The following MAD1L1 variants were observed in gnomAD, a reference collection of about 807,000 sequenced individuals.
MAD1L1 encodes the protein mitotic spindle assembly checkpoint protein MAD1.
Under a neutral mutation model 96.9 loss-of-function variants are expected in MAD1L1, and 95 were observed. That is an observed-to-expected ratio of 0.98 (90% CI 0.83 to 1.16). The LOEUF (loss-of-function observed/expected upper bound fraction) is 1.16, where lower values mean the gene tolerates loss of function less well. Ranked by LOEUF, MAD1L1 falls within the 50% of genes most tolerant of loss-of-function variation. The pLI is 0.00. For synonymous variants in MAD1L1, 473 were observed against 396.6 expected (o/e 1.19, Z -2.29); for missense variants, 1,007 against 954.4 (o/e 1.06, Z -0.73).
chr7:1,906,692 G>T (rs907171958), intron 17 of MAD1L1, among the ~76,000 whole-genome samples: 2 of 152,346 alleles, frequency 1.3e-5, no homozygotes, highest in Non-Finnish European at 2.9e-5. Flanking sequence ...AGGCCTGTGC[G>T]CACTGTCACA....
rs200930173 is a variant in MAD1L1, at chr7:2,222,723, G to T, written c.323C>A (p.Thr108Lys). The T allele has an allele frequency of 3.1e-5, 50 of 1,607,560 alleles. No homozygotes were observed. In the African/African-American group the frequency reaches 6.5e-4, roughly 21 times the overall value. The change falls in exon 5 of 19, where the codon ACG (threonine) becomes AAG (lysine). Residue 108 changes from threonine to lysine, a missense_variant. Physicochemically the swap from Thr to Lys is moderately conservative, Grantham distance 78. Transcript: ENST00000265854. ...REVDRNQELL[T>K]RIRQLQEREA... ...CCGCTCCTGAAGCTGCCGGATGCGC[G>T]TCAGGAGCTCCTGGTTGCGGTCGAC...
intron 11 of MAD1L1, among the ~76,000 whole-genome samples, chr7:2,131,982 C>T (rs1316674802): frequency 2.0e-5 from 3 of 152,160 alleles, no homozygotes; most frequent in Non-Finnish European, 2.9e-5. Flanking sequence ...AGATGTGCCT[C>T]GTAGACCCGC....
intron 11 of MAD1L1, among the ~76,000 whole-genome samples, chr7:2,133,636 T>C (rs1412831841): frequency 6.6e-6 from 1 of 152,254 alleles, no homozygotes; most frequent in Non-Finnish European, 1.5e-5. Flanking sequence ...GAGAGTCAGC[T>C]AGATATTTCC....
intron 11 of MAD1L1, among the ~76,000 whole-genome samples, chr7:2,082,615 C>G (rs2128539832): frequency 6.6e-6 from 1 of 152,330 alleles, no homozygotes; most frequent in African/African-American, 2.4e-5. Context: ...AGATTGAGCT[C>G]TGAGGATCAA....
intron 3 of MAD1L1, among the ~76,000 whole-genome samples, chr7:2,227,189 G>C (rs551281041): frequency 1.3e-5 from 2 of 150,888 alleles, no homozygotes; most frequent in Admixed American, 6.6e-5. Flanking sequence ...TCAGCTACTC[G>C]GGAGGCTGAG....
chr7:1,854,508 T>TG (rs2128643038), intron 18 of MAD1L1: 1 of 387,464 alleles, frequency 2.6e-6, no homozygotes, highest in African/African-American at 2.1e-5. Context: ...TCTCACTGTC[T>TG]GTCACACGGG....
In MAD1L1 at chr7:2,149,294, T is replaced by C. The variant is rs531023386; in HGVS notation, c.987-56A>G. On this transcript the variant is annotated intron_variant, in intron 10 of 18. Coordinates refer to ENST00000265854, the MANE Select transcript of MAD1L1 (RefSeq NM_001013836.2). ...AGCTGTCCCCGAGAAGTAAACCTGATTCTGCACACAAAACAGAAGGCCAAA... is the reference window on the plus strand; with the variant it reads ...AGCTGTCCCCGAGAAGTAAACCTGACTCTGCACACAAAACAGAAGGCCAAA... 1.4e-5 allele frequency: 20 copies of C among 1,418,580 alleles called. No homozygotes were observed. The South Asian group carries it at 2.2e-4, about 16-fold the overall frequency. 87.9% of individuals were successfully genotyped at this position (1,418,580 alleles called of 1,614,324 possible).
chr7:2,165,556 G>A (rs1255226998), intron 10 of MAD1L1, among the ~76,000 whole-genome samples: 2 of 100,374 alleles, frequency 2.0e-5, no homozygotes, highest in Admixed American at 1.0e-4. Flanking sequence ...AGAAGCAGCC[G>A]TGCACAGCAG....
intron 12 of MAD1L1, among the ~76,000 whole-genome samples, chr7:2,054,690 G>A (rs1246387937): frequency 6.6e-6 from 1 of 152,220 alleles, no homozygotes; most frequent in African/African-American, 2.4e-5. Context: ...GAGGGAAGAG[G>A]CCCTCTCACT....
intron 12 of MAD1L1, among the ~76,000 whole-genome samples, chr7:2,040,421 C>T (rs1279591342): frequency 1.3e-5 from 2 of 152,150 alleles, no homozygotes; most frequent in Non-Finnish European, 2.9e-5. Flanking sequence ...TCATCGGTGT[C>T]GGGAACTTTG....
At chr7:2,129,466 G>A (rs1009239329) in intron 11 of MAD1L1, among the ~76,000 whole-genome samples, 1 of 152,336 alleles carries the variant, frequency 6.6e-6, no homozygotes, top group Non-Finnish European at 1.5e-5. Context: ...CGCCCCTCCT[G>A]CCGTGGGTCT....
At chr7:1,825,932 G>A (rs1351493307) in intron 18 of MAD1L1, among the ~76,000 whole-genome samples, 1 of 151,724 alleles carries the variant, frequency 6.6e-6, no homozygotes, top group Admixed American at 6.6e-5. Context: ...CCAGCCCCAG[G>A]CGGGGTTGGA....
chr7:1,898,138 A>T, intron 18 of MAD1L1, 62 bp downstream of exon 18: 1 of 1,494,836 alleles, frequency 6.7e-7, no homozygotes. Context: ...CTACGGTCGG[A>T]TCTCCCCACA....
At chr7:2,041,588 T>C (rs1204823675) in intron 12 of MAD1L1, among the ~76,000 whole-genome samples, 1 of 152,166 alleles carries the variant, frequency 6.6e-6, no homozygotes, top group East Asian at 1.9e-4. Context: ...TCCCCTGCTG[T>C]CAGCAGCGAC....
chr7:2,060,434 CTGAGA>C (rs1037177553), intron 12 of MAD1L1, among the ~76,000 whole-genome samples: 3 of 151,650 alleles, frequency 2.0e-5, no homozygotes, highest in African/African-American at 7.3e-5. Context: ...TACGCCGATG[CTGAGA>C]TAACGCCGAT....
In MAD1L1 at chr7:2,166,687, C is replaced by T. The variant is rs185853020; in HGVS notation, c.987-17449G>A. Among the ~76,000 whole-genome samples the T allele has an allele frequency of 8.8e-4, 134 of 152,356 alleles. 1 individual carries two copies. The highest frequency in any genetic ancestry group is 3.0e-3 in the African/African-American group (123 of 41,588). Reference sequence around the variant, plus strand: ...CAACCACACACAAGCAGGCCCGCTTCCGGGAGGCGTGGCCCGGCCGGCCTG... The same window carrying T: ...CAACCACACACAAGCAGGCCCGCTTTCGGGAGGCGTGGCCCGGCCGGCCTG... On this transcript the variant is annotated intron_variant, in intron 10 of 18. Coordinates refer to ENST00000265854, the MANE Select transcript of MAD1L1 (RefSeq NM_001013836.2).
intron 11 of MAD1L1, among the ~76,000 whole-genome samples, chr7:2,089,571 C>T (rs1000230409): frequency 1.3e-5 from 2 of 152,084 alleles, no homozygotes; most frequent in East Asian, 1.9e-4. Flanking sequence ...GGAAAGCAAC[C>T]AAGCCCCAAC....
chr7:1,860,389 G>C (rs550348951), intron 18 of MAD1L1, among the ~76,000 whole-genome samples: 1 of 148,360 alleles, frequency 6.7e-6, no homozygotes, highest in African/African-American at 2.5e-5. Context: ...GACATCCTGC[G>C]GGGCGGCCTC....
At chr7:2,023,910 C>T (rs1782890425) in intron 12 of MAD1L1, among the ~76,000 whole-genome samples, 1 of 151,956 alleles carries the variant, frequency 6.6e-6, no homozygotes, top group Non-Finnish European at 1.5e-5. Flanking sequence ...GATCACGCCA[C>T]TGCACTTCAG....
Sources: allele counts gnomAD v4.1 joint callset (sites outside exome capture counted in the v4.1 genomes callset), GRCh38; gene constraint gnomAD v4.1.1; transcripts MANE v1.5; gene names NCBI Gene and HGNC (gene_info 2026-07-23, HGNC 2026-07-21).